PHF20: variants seen among roughly 807,000 people sequenced by gnomAD.
PHF20 encodes the protein glioma-expressed antigen 2.
A neutral mutation model predicts 113.5 loss-of-function variants in PHF20; 23 were observed. The ratio of observed to expected loss-of-function variants is 0.20; its 90% CI spans 0.15 to 0.29. The LOEUF (loss-of-function observed/expected upper bound fraction) is 0.29. PHF20 is among the 10% of genes least tolerant of loss of function. The pLI, the probability that PHF20 is intolerant of heterozygous loss-of-function variation, is 1.00. For missense variants in PHF20, 943 were observed against 1,219.6 expected, an observed-to-expected ratio of 0.77 and a Z score of 3.38; for synonymous variants, 434 against 457.3, an observed-to-expected ratio of 0.95 and a Z score of 0.65.
intron 15 of PHF20, 125 bp from the exon 16 acceptor site, chr20:35,938,572 G>A: frequency 4.6e-6 from 4 of 871,548 alleles, no homozygotes; most frequent in Non-Finnish European, 7.2e-6. Flanking sequence ...TTTAGCAAAT[G>A]GTAGTGTGTG....
chr20:35,873,466 G>GTTTTTTTT (rs759056358), intron 9 of PHF20, among the ~76,000 whole-genome samples: 65 of 82,282 alleles, frequency 7.9e-4, no homozygotes, highest in Admixed American at 1.2e-3. Flanking sequence ...CTGTTTTTTT[G>GTTTTTTTT]TTTTTTTTTT....
chr20:35,810,314 G>T (rs1046811927), intron 2 of PHF20, among the ~76,000 whole-genome samples: 1 of 152,078 alleles, frequency 6.6e-6, no homozygotes, highest in Non-Finnish European at 1.5e-5. Context: ...CTTCCAGTTC[G>T]GCAAGGTTTC....
At chr20:35,942,505 C>A (rs2056002242) in intron 17 of PHF20, among the ~76,000 whole-genome samples, 1 of 152,174 alleles carries the variant, frequency 6.6e-6, no homozygotes, top group Non-Finnish European at 1.5e-5. Flanking sequence ...TCACATCTTA[C>A]TTCCTTAATC....
chr20:35,848,759 A>G (rs1489616670), intron 4 of PHF20, among the ~76,000 whole-genome samples: 4 of 150,520 alleles, frequency 2.7e-5, no homozygotes, highest in African/African-American at 9.8e-5. Context: ...CGCATGGCTG[A>G]GGTGGGAAGA....
chr20:35,907,183 C>T (rs1035105164), intron 10 of PHF20, among the ~76,000 whole-genome samples: 7 of 152,160 alleles, frequency 4.6e-5, no homozygotes, highest in East Asian at 1.9e-4. Flanking sequence ...CTCCTGGAAG[C>T]GGCGGTCTGA....
chr20:35,847,373 C>T lies in PHF20; in HGVS notation c.279C>T (p.Val93=), dbSNP rs1265889385. The change falls in exon 4 of 18, where the codon GTC becomes GTT. Residue 93 remains valine (V), a synonymous_variant. Coordinates refer to ENST00000374012, the MANE Select transcript of PHF20 (RefSeq NM_016436.5). The stretch of plus-strand genomic sequence containing the variant: ...AGGAATTTCAAATAAATGAGCAGGT[C>T]CTTGCTTGCTGGTCTGATTGTCGTT... The part of the protein sequence containing the change: ...GSSEFQINEQ[V]LACWSDCRFY... 6.2e-7 allele frequency: 1 copy of T among 1,608,404 alleles called. No individual in the cohort carries two copies. The highest frequency in any genetic ancestry group is 8.5e-7 in the Non-Finnish European group (1 of 1,176,872).
At chr20:35,855,313 C>T (rs774741628) in intron 4 of PHF20, 2 of 1,191,896 alleles carry the variant, frequency 1.7e-6, no homozygotes, top group South Asian at 1.2e-5. Flanking sequence ...TAAGTCATTG[C>T]TGAGCTGCCT....
At chr20:35,834,180 A>G (rs954204642) in intron 2 of PHF20, among the ~76,000 whole-genome samples, 20 of 151,464 alleles carry the variant, frequency 1.3e-4, no homozygotes, top group Admixed American at 5.9e-4. Flanking sequence ...TGGAGGAGAG[A>G]TAATGCCTCT....
chr20:35,932,791 C>T (rs983020588), intron 15 of PHF20, among the ~76,000 whole-genome samples: 4 of 152,142 alleles, frequency 2.6e-5, no homozygotes, highest in Non-Finnish European at 4.4e-5. Context: ...TGTTTTACAA[C>T]CAGTCTCTAA....
chr20:35,909,329 G>T (rs2055255863), intron 10 of PHF20, among the ~76,000 whole-genome samples: 1 of 151,844 alleles, frequency 6.6e-6, no homozygotes, highest in African/African-American at 2.4e-5. Flanking sequence ...GGGACAGGGG[G>T]TGTTATCTGT....
At position 35,948,065 on chromosome 20, in the gene PHF20, C is replaced by G. The variant is rs1440732960; in HGVS notation, c.*438C>G. 1 of 168,066 alleles carries G rather than the reference C, an allele frequency of 6.0e-6. No individual in the cohort carries two copies. Among genetic ancestry groups the G allele is most frequent in the African/African-American group, 2.4e-5 (1 of 41,834 alleles). 10.4% of individuals were successfully genotyped at this position (168,066 alleles called of 1,614,324 possible). The stretch of plus-strand genomic sequence containing the variant: ...TCTTCCTGGCATGGTGTTTGGGCAG[C>G]AGGCATCATTTTCCTTTTCTAGCTT... On this transcript the variant is annotated 3_prime_UTR_variant, in exon 18 of 18. Transcript: ENST00000374012.
intron 2 of PHF20, among the ~76,000 whole-genome samples, chr20:35,817,542 C>G (rs930456662): frequency 6.6e-6 from 1 of 152,086 alleles, no homozygotes; most frequent in African/African-American, 2.4e-5. Flanking sequence ...CACCTGCAAT[C>G]CCAGCACTTT....
intron 9 of PHF20, among the ~76,000 whole-genome samples, chr20:35,886,050 C>T (rs984325761): frequency 6.0e-5 from 9 of 150,630 alleles, no homozygotes; most frequent in African/African-American, 2.2e-4. Context: ...CTCATGGATT[C>T]TTATGTCGTT....
intron 2 of PHF20, among the ~76,000 whole-genome samples, chr20:35,803,425 GCAA>G (rs1418416482): frequency 6.6e-6 from 1 of 151,004 alleles, no homozygotes; most frequent in Admixed American, 6.6e-5. Flanking sequence ...CTAGGTTCAA[GCAA>G]TTCCTCTGCC....
At chr20:35,866,857 A>C (rs1318139978) in intron 6 of PHF20, among the ~76,000 whole-genome samples, 1 of 152,208 alleles carries the variant, frequency 6.6e-6, no homozygotes, top group African/African-American at 2.4e-5. Flanking sequence ...AGGATTTCAT[A>C]ATGAGTAGGA....
At chr20:35,778,478 T>C (rs541201271) in intron 1 of PHF20, among the ~76,000 whole-genome samples, 1 of 152,150 alleles carries the variant, frequency 6.6e-6, no homozygotes, top group East Asian at 1.9e-4. Context: ...AGACAGGCAC[T>C]GTGGCTCACG....
chr20:35,827,525 C>T lies in PHF20; in HGVS notation c.84-15048C>T, dbSNP rs563148333. Reference sequence around the variant, plus strand: ...CATAGCCGGGTGCGGTGGCTCACGCCTGTAATCCCAGCACTTTGGGAGGCT... The same window carrying T: ...CATAGCCGGGTGCGGTGGCTCACGCTTGTAATCCCAGCACTTTGGGAGGCT... On this transcript the variant is annotated intron_variant, in intron 2 of 17. Transcript: ENST00000374012. 5.9e-5 allele frequency among the ~76,000 whole-genome samples: 9 copies of T among 151,974 alleles called. No homozygotes were observed. In the East Asian group the frequency reaches 1.8e-3, roughly 30 times the overall value.
intron 9 of PHF20, among the ~76,000 whole-genome samples, chr20:35,877,279 C>CAA (rs1246687018): frequency 1.4e-3 from 18 of 12,968 alleles, no homozygotes; most frequent in Middle Eastern, 0.083. Context: ...GACTCCATCT[C>CAA]AAAAAAAAAA....
intron 5 of PHF20, among the ~76,000 whole-genome samples, chr20:35,861,150 A>C (rs141240777): frequency 9.3e-5 from 14 of 150,110 alleles, no homozygotes; most frequent in African/African-American, 2.9e-4. Flanking sequence ...GAATAGATTG[A>C]GTTTTTTTTT....
Sources: allele counts gnomAD v4.1 joint callset (sites outside exome capture counted in the v4.1 genomes callset), GRCh38; gene constraint gnomAD v4.1.1; transcripts MANE v1.5; gene names NCBI Gene and HGNC (gene_info 2026-07-23, HGNC 2026-07-21).